Variants in CACNG4 observed in about 807,000 individuals in gnomAD.
CACNG4 encodes calcium voltage-gated channel auxiliary subunit gamma 4, also known as voltage-dependent calcium channel gamma-4 subunit.
A neutral mutation model predicts 22.9 loss-of-function variants in CACNG4; 8 were observed. The ratio of observed to expected loss-of-function variants is 0.35; its 90% confidence interval spans 0.21 to 0.63. CACNG4 has a LOEUF of 0.63. CACNG4 is among the 30% of genes least tolerant of loss of function. The pLI is 0.72. For missense variants in CACNG4, 357 were observed against 455.4 expected (o/e 0.78, Z 1.97); for synonymous variants, 188 against 191.9 (o/e 0.98, Z 0.17).
chr17:66,964,772 G>A lies in CACNG4; in HGVS notation c.-140G>A, dbSNP rs1191029563. On this transcript the variant is annotated 5_prime_UTR_variant, in exon 1 of 4. Transcript: ENST00000262138. ...GGAGCGCAGGCACGCCCGGGGCGCGGGGTCGGAGCGCGCAGCGCGGCGCCG... is the reference window on the plus strand; with the variant it reads ...GGAGCGCAGGCACGCCCGGGGCGCGAGGTCGGAGCGCGCAGCGCGGCGCCG... 1 of 224,988 alleles carries A rather than the reference G, an allele frequency of 4.4e-6. No individual in the cohort carries two copies. Among genetic ancestry groups the A allele is most frequent in the Non-Finnish European group, 7.2e-6 (1 of 138,280 alleles). 13.9% of individuals were successfully genotyped at this position (224,988 alleles called of 1,614,324 possible).
At chr17:66,976,018 C>T (rs1315510933) in intron 1 of CACNG4, among the ~76,000 whole-genome samples, 2 of 151,920 alleles carry the variant, frequency 1.3e-5, no homozygotes, top group Non-Finnish European at 2.9e-5. Flanking sequence ...CAGATTGATA[C>T]TCAGGAACAG....
At position 66,964,838 on chromosome 17, in the gene CACNG4, C is replaced by A. The variant is rs1402381848; in HGVS notation, c.-74C>A. ...CCCCCCAACCCCGGCGCCCCCGGAG[C>A]GGCGCGCGGAGGGAGGAGGGCGGGC... is the stretch of plus-strand genomic sequence containing the variant. On this transcript the variant is annotated 5_prime_UTR_variant, in exon 1 of 4. Transcript: ENST00000262138. 62 of 885,496 alleles carry A rather than the reference C, an allele frequency of 7.0e-5. No homozygotes were observed. The highest frequency in any genetic ancestry group is 8.5e-5 in the Non-Finnish European group (61 of 720,922). 54.9% of individuals were successfully genotyped at this position (885,496 alleles called of 1,614,324 possible). A position where few individuals can be genotyped will look rare whatever the true frequency, so the allele number is the denominator to read the frequency against.
chr17:66,971,050 A>G (rs2035201080), intron 1 of CACNG4, among the ~76,000 whole-genome samples: 3 of 152,238 alleles, frequency 2.0e-5, no homozygotes, highest in Admixed American at 2.0e-4. Flanking sequence ...AAACTGGAAC[A>G]GCAATGTGCA....
intron 3 of CACNG4, among the ~76,000 whole-genome samples, chr17:67,025,638 C>T (rs1216314759): frequency 6.6e-6 from 1 of 152,270 alleles, no homozygotes. Flanking sequence ...GAGCCATGCC[C>T]GATGTCCCCG....
At chr17:67,016,514 G>A (rs542568435) in intron 1 of CACNG4, among the ~76,000 whole-genome samples, 2 of 152,306 alleles carry the variant, frequency 1.3e-5, no homozygotes, top group East Asian at 1.9e-4. Flanking sequence ...CTCCCAGCTC[G>A]CCAGGGACCT....
chr17:66,993,934 C>T (rs2035357455), intron 1 of CACNG4, among the ~76,000 whole-genome samples: 1 of 152,072 alleles, frequency 6.6e-6, no homozygotes, highest in African/African-American at 2.4e-5. Flanking sequence ...GATTCTTTAA[C>T]TTGCTTCAGG....
chr17:67,030,350 T>TA lies in CACNG4; in HGVS notation c.446-115dup. The TA allele has an allele frequency of 1.2e-6, 1 of 817,260 alleles. No individual in the cohort carries two copies. Among genetic ancestry groups the TA allele is most frequent in the South Asian group, 1.7e-5 (1 of 59,594 alleles). 50.6% of individuals were successfully genotyped at this position (817,260 alleles called of 1,614,324 possible). On this transcript the variant is annotated intron_variant, in intron 3 of 3. Coordinates refer to ENST00000262138, the MANE Select transcript of CACNG4 (RefSeq NM_014405.4). The surrounding 1 kb of genome is among the most constrained non-coding windows in gnomAD (Gnocchi z 6.4). ...AAAATTAGCAACCAGAATAAAGAAATACTCATCAGAGAGGGGAGTGTCCAC... is the reference window on the plus strand; with the variant it reads ...AAAATTAGCAACCAGAATAAAGAAATAACTCATCAGAGAGGGGAGTGTCCAC...
At position 67,026,306 on chromosome 17, in the gene CACNG4, GGT is replaced by G. The variant is rs1413361683; in HGVS notation, c.445+1317_445+1318del. Among the ~76,000 whole-genome samples the G allele has an allele frequency of 4.0e-4, 61 of 151,092 alleles. 2 individuals are homozygous for G. The highest frequency in any genetic ancestry group is 2.7e-3 in the Admixed American group (41 of 15,180). Reference sequence around the variant, plus strand: ...GTGTGTTTGTGCGTGTTAAGAGTGTGGTGTGTGTGTGTATTTGAGGACTGGTG... The same window carrying G: ...GTGTGTTTGTGCGTGTTAAGAGTGTGGTGTGTGTGTATTTGAGGACTGGTG... On this transcript the variant is annotated intron_variant, in intron 3 of 3. Transcript: ENST00000262138.
At chr17:66,990,647 C>CTTATTTTATT (rs59079283) in intron 1 of CACNG4, among the ~76,000 whole-genome samples, 6,660 of 148,578 alleles carry the variant, frequency 0.045, 243 homozygotes, top group East Asian at 0.19. Context: ...TCTAAGTCTC[C>CTTATTTTATT]TTATTTTATT....
intron 1 of CACNG4, among the ~76,000 whole-genome samples, chr17:66,992,725 G>A (rs1199180285): frequency 6.6e-6 from 1 of 152,230 alleles, no homozygotes; most frequent in East Asian, 1.9e-4. Flanking sequence ...TCTGTCCTAG[G>A]GCCGAGGGCC....
rs2035156072 is a variant in CACNG4, at chr17:66,964,861, G to A, written c.-51G>A. 2.6e-6 allele frequency: 3 copies of A among 1,174,610 alleles called. No homozygotes were observed. The highest frequency in any genetic ancestry group is 2.5e-5 in the South Asian group (1 of 40,524). 72.8% of individuals were successfully genotyped at this position (1,174,610 alleles called of 1,614,324 possible). On this transcript the variant is annotated 5_prime_UTR_variant, in exon 1 of 4. Transcript: ENST00000262138. ...AGCGGCGCGCGGAGGGAGGAGGGCG[G>A]GCGGGCGCGGCGGGCCGGGCCGGCG...
intron 1 of CACNG4, among the ~76,000 whole-genome samples, chr17:66,976,947 C>T (rs2035241619): frequency 6.6e-6 from 1 of 152,230 alleles, no homozygotes; most frequent in South Asian, 2.1e-4. Flanking sequence ...TTCATCCATC[C>T]AGCAAATGCT....
At chr17:66,990,240 C>T (rs2035331030) in intron 1 of CACNG4, among the ~76,000 whole-genome samples, 1 of 152,214 alleles carries the variant, frequency 6.6e-6, no homozygotes, top group Non-Finnish European at 1.5e-5. Context: ...TCTTGCTAGC[C>T]ATCAGCCAGG....
chr17:67,025,252 C>T (rs949491060), intron 3 of CACNG4, among the ~76,000 whole-genome samples: 9 of 152,222 alleles, frequency 5.9e-5, no homozygotes, highest in African/African-American at 2.2e-4. Flanking sequence ...ATTTTGAATG[C>T]GCCAAAAGCC....
chr17:67,030,832 T>C lies in CACNG4; in HGVS notation c.812T>C (p.Met271Thr), dbSNP rs1567761503. ...CTGAAGATCACAGGGGCCATCCCCATGGGGGAGCTGTCCATGTACACGCTG... is the reference window on the plus strand; with the variant it reads ...CTGAAGATCACAGGGGCCATCCCCACGGGGGAGCTGTCCATGTACACGCTG... Reference protein sequence around the residue: ...MGLKITGAIPMGELSMYTLSR... With the variant: ...MGLKITGAIPTGELSMYTLSR... Residue 271 changes from methionine to threonine, a missense_variant, in exon 4 of 4, where the codon ATG becomes ACG. Coordinates refer to ENST00000262138, the MANE Select transcript of CACNG4 (RefSeq NM_014405.4). This position sits in a 1 kb window ranked among gnomAD's most constrained non-coding sequence, Gnocchi z 6.4. 1.2e-6 allele frequency: 2 copies of C among 1,613,872 alleles called. No individual in the cohort carries two copies. Among genetic ancestry groups the C allele is most frequent in the Admixed American group, 3.3e-5 (2 of 60,016 alleles).
intron 1 of CACNG4, among the ~76,000 whole-genome samples, chr17:66,988,791 G>C (rs922523092): frequency 1.3e-5 from 2 of 152,158 alleles, no homozygotes; most frequent in Admixed American, 6.5e-5. Flanking sequence ...GGGCGCGGTG[G>C]CTCACGCCTG....
chr17:67,012,150 T>A (rs1361095612), intron 1 of CACNG4, among the ~76,000 whole-genome samples: 3 of 152,190 alleles, frequency 2.0e-5, no homozygotes, highest in African/African-American at 7.2e-5. Flanking sequence ...ATCAAGAGGC[T>A]GGATTCCAGG....
chr17:67,015,866 C>G (rs1466931144), intron 1 of CACNG4, among the ~76,000 whole-genome samples: 1 of 152,112 alleles, frequency 6.6e-6, no homozygotes, highest in African/African-American at 2.4e-5. Context: ...TTGGTCTCAC[C>G]CACCCACAGC....
intron 1 of CACNG4, among the ~76,000 whole-genome samples, chr17:66,965,946 A>T (rs2035167635): frequency 6.6e-6 from 1 of 152,040 alleles, no homozygotes; most frequent in Non-Finnish European, 1.5e-5. Context: ...CCTCAGTAGG[A>T]AACTAGGGTG....
Sources: gnomAD v4.1 joint callset for allele counts (sites outside exome capture counted in the v4.1 genomes callset) on GRCh38, gnomAD v4.1.1 for gene constraint, Gnocchi (gnomAD v3.1) non-coding constraint, MANE v1.5 for transcripts, NCBI Gene and HGNC (gene_info 2026-07-23, HGNC 2026-07-21) for gene names.